The following APC2 variants were observed in gnomAD, a reference collection of about 807,000 sequenced individuals.
APC2 encodes APC regulator of Wnt signaling pathway 2.
In APC2, 41 loss-of-function variants were observed where a neutral mutation model predicts 72.5. The ratio of observed to expected loss-of-function variants is 0.57; its 90% confidence interval spans 0.44 to 0.73. The LOEUF is 0.73. APC2 is among the 30% of genes least tolerant of loss of function. APC2 has a pLI of 0.00. For synonymous variants in APC2, 1,898 were observed against 1,612.0 expected (o/e 1.18, Z -4.25); for missense variants, 3,729 against 3,403.4 (o/e 1.10, Z -2.38).
intron 14 of APC2, 35 bp downstream of exon 14, chr19:1,462,212 C>A: frequency 2.6e-6 from 4 of 1,509,694 alleles, no homozygotes; most frequent in Non-Finnish European, 2.7e-6. Flanking sequence ...ACACAGGCAG[C>A]TGCGCTCGGG....
In APC2 at chr19:1,460,678, G is replaced by A. The variant is rs116573022; in HGVS notation, c.1444-102G>A. On this transcript the variant is annotated intron_variant, in intron 11 of 14. Transcript: ENST00000590469. The stretch of plus-strand genomic sequence containing the variant: ...CCGGTAGTGGTCAGGATCAGCAGGG[G>A]TCTGAGTTTGCAGCTGCAGCACACA... 4.3e-3 allele frequency: 5,257 copies of A among 1,230,748 alleles called. 187 individuals carry two copies. The African/African-American group carries it at 0.07, about 16-fold the overall frequency. 76.2% of individuals were successfully genotyped at this position (1,230,748 alleles called of 1,614,324 possible).
intron 10 of APC2, 145 bp from the exon 11 acceptor site, chr19:1,460,036 G>T: frequency 9.0e-7 from 1 of 1,112,408 alleles, no homozygotes; most frequent in Admixed American, 2.4e-5. Context: ...GGCTCCTGGA[G>T]GAGGTCTCAG....
chr19:1,466,103 C>T lies in APC2; in HGVS notation c.2802C>T (p.Asp934=), dbSNP rs761603714. ...NDSLNSGSAS[D]GYCPREHMLP... ...GCCTCAACAGCGGCAGTGCCAGCGA[C>T]GGGTACTGCCCACGCGAACATATGC... Residue 934 remains aspartate (D), a synonymous_variant, in exon 15 of 15, where the codon GAC becomes GAT. Coordinates refer to ENST00000590469, the MANE Select transcript of APC2 (RefSeq NM_005883.3). 25 of 1,551,460 alleles carry T rather than the reference C, an allele frequency of 1.6e-5. No homozygotes were observed. Among genetic ancestry groups the T allele is most frequent in the Non-Finnish European group, 2.1e-5 (24 of 1,158,524 alleles).
Position 1,450,321 on chromosome 19 carries a change from C to A in APC2, c.-36C>A, listed in dbSNP as rs1351378398. 1 of 985,380 alleles carries A rather than the reference C, an allele frequency of 1.0e-6. No individual in the cohort carries two copies. The highest frequency in any genetic ancestry group is 1.2e-6 in the Non-Finnish European group (1 of 829,978). The allele number at this position is 985,380 out of a possible 1,614,324, so 61.0% of individuals were successfully genotyped here. On this transcript the variant is annotated 5_prime_UTR_variant, in exon 1 of 15. Coordinates refer to ENST00000590469, the MANE Select transcript of APC2 (RefSeq NM_005883.3). ...CCCCAGACCCAGGCGCCCCGCCAGC[C>A]CAGCTGCACGTAAGCGGGTGTGTGT...
rs746930193 is a variant in APC2, at chr19:1,462,127, C to G, written c.1803C>G (p.Gly601=). The G allele has an allele frequency of 3.1e-6, 5 of 1,612,170 alleles. No individual in the cohort carries two copies. The highest frequency in any genetic ancestry group is 1.7e-4 in the Middle Eastern group (1 of 6,034). Residue 601 remains glycine, a synonymous_variant, in exon 14 of 15, where the codon GGC becomes GGG. Transcript: ENST00000590469. Reference sequence around the variant, plus strand: ...CGCTGGCCATCATCGAGAGCGGCGGCGGCATCCTCCGCAATGTGTCCAGCC... The same window carrying G: ...CGCTGGCCATCATCGAGAGCGGCGGGGGCATCCTCCGCAATGTGTCCAGCC... ...SNSLAIIESG[G]GILRNVSSLV...
chr19:1,446,345 G>C (rs1375998108), upstream of APC2: 1 of 985,290 alleles, frequency 1.0e-6, no homozygotes, highest in Non-Finnish European at 1.2e-6. The surrounding 1 kb of genome is among the most constrained non-coding windows in gnomAD (Gnocchi z 6.1). Context: ...GGACCAGGTA[G>C]GGCGCGTGGG....
rs1470219854 is a variant in APC2 at position 1,455,179 on chromosome 19, G to A, written c.444G>A (p.Glu148=). Residue 148 remains glutamate, a synonymous_variant, in exon 5 of 15, where the codon GAG becomes GAA. Transcript: ENST00000590469. ...TCCTGCTGAATGAGATTGAGAAGGA[G>A]GAGAAGGAGAAGCTCTGGTACTACT... The part of the protein sequence containing the change: ...RCFLLNEIEK[E]EKEKLWYYSQ... The A allele has an allele frequency of 2.5e-6, 4 of 1,577,954 alleles. No individual in the cohort carries two copies. The highest frequency in any genetic ancestry group is 2.4e-5 in the South Asian group (2 of 84,872).
Position 1,460,309 on chromosome 19 carries a change from G to A in APC2, c.1432G>A (p.Val478Ile), listed in dbSNP as rs150518571. 319 of 1,613,468 alleles carry A rather than the reference G, an allele frequency of 2.0e-4. 2 individuals are homozygous for A. The South Asian group carries it at 2.9e-3, about 14-fold the overall frequency. Residue 478 changes from valine to isoleucine, a missense_variant, in exon 11 of 15, where the codon GTT becomes ATT. Transcript: ENST00000590469. Reference protein sequence around the residue: ...MTLTNLTFGDVANKATLCARR... With the variant: ...MTLTNLTFGDIANKATLCARR... ...CCTCACCAACCTCACCTTTGGGGAC[G>A]TTGCCAACAAGGTGCCCGGGGGCAG...
Position 1,453,483 on chromosome 19 carries a change from C to A in APC2, c.285C>A (p.Thr95=), listed in dbSNP as rs1238406552. The change falls in exon 4 of 15, where the codon ACC becomes ACA. Residue 95 remains threonine (T), a synonymous_variant. Coordinates refer to ENST00000590469, the MANE Select transcript of APC2 (RefSeq NM_005883.3). ...ACAACCTCAAGTTCCAGCCGCCCAC[C>A]CTGGGCCCGGAGCCTGCCGCCCGGA... is the stretch of plus-strand genomic sequence containing the variant. ...SLYNLKFQPP[T]LGPEPAARTP... 1 of 1,604,644 alleles carries A rather than the reference C, an allele frequency of 6.2e-7. No individual in the cohort carries two copies. The highest frequency in any genetic ancestry group is 1.3e-5 in the African/African-American group (1 of 74,650).
At position 1,457,051 on chromosome 19, in the gene APC2, GGCGCCAAGGACGCACGCATGC is replaced by G; in HGVS notation, c.1023_1043del (p.Lys341_Ala347del). The G allele has an allele frequency of 6.5e-7, 1 of 1,531,530 alleles. No homozygotes were observed. Among genetic ancestry groups the G allele is most frequent in the Non-Finnish European group, 8.7e-7 (1 of 1,146,138 alleles). 94.9% of individuals were successfully genotyped at this position (1,531,530 alleles called of 1,614,324 possible). On this transcript the variant is annotated inframe_deletion, in exon 9 of 15. Transcript: ENST00000590469. ...TCGCGCCGGGGCCCCAGGGGCACCG[GGCGCCAAGGACGCACGCATGC>G]GCGCCAACGCGGCGCTGCACAACAT... is the stretch of plus-strand genomic sequence containing the variant.
At chr19:1,455,830 A>G (rs537714063) in intron 6 of APC2, among the ~76,000 whole-genome samples, 6 of 127,432 alleles carry the variant, frequency 4.7e-5, no homozygotes, top group South Asian at 2.5e-4. Flanking sequence ...AAGTGGGAGG[A>G]GTCAGAGCCT....
chr19:1,455,139 TG>T lies in APC2; in HGVS notation c.414-9del. 6.4e-6 allele frequency: 10 copies of T among 1,557,846 alleles called. No individual in the cohort carries two copies. Among genetic ancestry groups the T allele is most frequent in the Non-Finnish European group, 8.6e-6 (10 of 1,160,412 alleles). On this transcript the variant is annotated splice_polypyrimidine_tract_variant and intron_variant, in intron 4 of 14. Transcript: ENST00000590469. ...CCCTCTGAGCCCGCCCCCGCTGACTTGCTCCCCAGGTGTTTCCTGCTGAATG... is the reference window on the plus strand; with the variant it reads ...CCCTCTGAGCCCGCCCCCGCTGACTTCTCCCCAGGTGTTTCCTGCTGAATG...
At chr19:1,461,413 A>T in intron 13 of APC2, 3 of 503,174 alleles carry the variant, frequency 6.0e-6, no homozygotes, top group African/African-American at 2.2e-5. Flanking sequence ...CATCTCTACT[A>T]AAAAAAACAG....
intron 7 of APC2, 48 bp downstream of exon 7, chr19:1,456,201 C>A (rs199810895): frequency 1.3e-6 from 2 of 1,552,930 alleles, no homozygotes; most frequent in Admixed American, 3.9e-5. Flanking sequence ...TCGGCCCAGG[C>A]AGAACGGGGC....
In APC2 at chr19:1,455,398, G is replaced by A. The variant is rs1364231721; in HGVS notation, c.537G>A (p.Gln179=). 5 of 1,609,328 alleles carry A rather than the reference G, an allele frequency of 3.1e-6. No individual in the cohort carries two copies. Among genetic ancestry groups the A allele is most frequent in the Non-Finnish European group, 4.2e-6 (5 of 1,178,430 alleles). Residue 179 remains glutamine (Q), a synonymous_variant, in exon 6 of 15, where the codon CAG becomes CAA. Coordinates refer to ENST00000590469, the MANE Select transcript of APC2 (RefSeq NM_005883.3). ...LPHVETQFSM[Q]MDLIRQQLEF... is the part of the protein sequence containing the mutation. Reference sequence around the variant, plus strand: ...GCCTTTGCCAGCAGTTCTCGATGCAGATGGACCTGATCCGGCAGCAGCTTG... The same window carrying A: ...GCCTTTGCCAGCAGTTCTCGATGCAAATGGACCTGATCCGGCAGCAGCTTG...
At chr19:1,449,295 G>GGCT (rs2083715902), upstream of APC2, among the ~76,000 whole-genome samples, 1 of 152,294 alleles carries the variant, frequency 6.6e-6, no homozygotes, top group African/African-American at 2.4e-5. Flanking sequence ...GAGCAGGAAG[G>GGCT]GCTGCTCCGA....
chr19:1,457,388 G>C, intron 9 of APC2, 145 bp downstream of exon 9: 1 of 1,225,568 alleles, frequency 8.2e-7, no homozygotes, highest in East Asian at 2.9e-5. Context: ...CGAGGCCTGT[G>C]GGGGCATTTG....
upstream of APC2, among the ~76,000 whole-genome samples, chr19:1,448,652 T>C (rs1352648508): frequency 6.6e-6 from 1 of 151,206 alleles, no homozygotes; most frequent in Non-Finnish European, 1.5e-5. Flanking sequence ...GAGACCATCC[T>C]GGCTAACGTG....
At chr19:1,464,632 C>CTT (rs1010096440) in intron 14 of APC2, among the ~76,000 whole-genome samples, 9,176 of 123,658 alleles carry the variant, frequency 0.074, 1,316 homozygotes, top group African/African-American at 0.27. Context: ...CTGTTTTTTC[C>CTT]TTTTTTTTTT....
Sources: gnomAD v4.1 joint callset for allele counts (sites outside exome capture counted in the v4.1 genomes callset) on GRCh38, gnomAD v4.1.1 for gene constraint, Gnocchi (gnomAD v3.1) non-coding constraint, MANE v1.5 for transcripts, NCBI Gene and HGNC (gene_info 2026-07-23, HGNC 2026-07-21) for gene names.